BBX: variants seen among roughly 807,000 people sequenced by gnomAD.
BBX encodes BBX high mobility group box domain containing, also known as HMG box transcription factor BBX.
BBX carries 30 observed loss-of-function variants against 100.2 expected under a neutral mutation model. That is an observed-to-expected ratio of 0.30 (90% confidence interval 0.22 to 0.41). BBX has a LOEUF of 0.41. BBX is among the 10% of genes least tolerant of loss of function. BBX has a pLI of 1.00. For synonymous variants in BBX, 376 were observed against 388.1 expected (o/e 0.97, Z 0.37); for missense variants, 1,023 against 1,129.8 (o/e 0.91, Z 1.35).
chr3:107,538,817 C>T (rs1238211621), intron 2 of BBX, among the ~76,000 whole-genome samples: 1 of 151,830 alleles, frequency 6.6e-6, no homozygotes, highest in Non-Finnish European at 1.5e-5. Flanking sequence ...CAAGGTCTTA[C>T]TCTGTTGCCC....
intron 3 of BBX, among the ~76,000 whole-genome samples, chr3:107,697,675 G>A (rs546307476): frequency 6.6e-6 from 1 of 151,896 alleles, no homozygotes; most frequent in African/African-American, 2.4e-5. Flanking sequence ...GCCCCCAGAG[G>A]TGGAGCCTAC....
intron 2 of BBX, among the ~76,000 whole-genome samples, chr3:107,642,518 C>T (rs1463037603): frequency 2.0e-5 from 3 of 152,186 alleles, no homozygotes; most frequent in East Asian, 1.9e-4. Flanking sequence ...ACTCCTAGTT[C>T]GTGACCTATA....
intron 2 of BBX, among the ~76,000 whole-genome samples, chr3:107,642,538 G>A (rs138635720): frequency 7.2e-4 from 109 of 152,216 alleles, no homozygotes; most frequent in Non-Finnish European, 1.2e-3. Context: ...ACTTGCTTGG[G>A]GTCTCAGAAA....
chr3:107,609,864 A>G (rs537860634), intron 2 of BBX, among the ~76,000 whole-genome samples: 1 of 151,684 alleles, frequency 6.6e-6, no homozygotes, highest in South Asian at 2.1e-4. Flanking sequence ...CTTTATTTCA[A>G]TTTCATTTAT....
chr3:107,751,183 G>A (rs1480097408), intron 9 of BBX, among the ~76,000 whole-genome samples: 1 of 152,118 alleles, frequency 6.6e-6, no homozygotes, highest in Non-Finnish European at 1.5e-5. Flanking sequence ...AGGGATTGAT[G>A]TATAAAAGAA....
At chr3:107,710,275 T>C (rs1313378099) in intron 3 of BBX, among the ~76,000 whole-genome samples, 177 bp from the exon 4 acceptor site, 3 of 152,254 alleles carry the variant, frequency 2.0e-5, no homozygotes, top group Non-Finnish European at 4.4e-5. Flanking sequence ...GGATTCATTA[T>C]GTATTATGTA....
At chr3:107,631,083 T>C (rs986309499) in intron 2 of BBX, among the ~76,000 whole-genome samples, 1 of 152,190 alleles carries the variant, frequency 6.6e-6, no homozygotes, top group Non-Finnish European at 1.5e-5. Flanking sequence ...TAACACCCCA[T>C]GTCAAAGTGA....
Position 107,724,742 on chromosome 3 carries a change from G to C in BBX, c.406-4023G>C, listed in dbSNP as rs1033234522. 2.8e-4 allele frequency among the ~76,000 whole-genome samples: 43 copies of C among 152,006 alleles called. 1 individual carries two copies. Among genetic ancestry groups the C allele is most frequent in the Non-Finnish European group, 2.2e-4 (15 of 67,974 alleles). On this transcript the variant is annotated intron_variant, in intron 5 of 17. Coordinates refer to ENST00000325805, the MANE Select transcript of BBX (RefSeq NM_001142568.3). ...TAGATGTGTGGTATTATTTCTGAGG[G>C]CTCTGTTCTGTTCCATTGGTCTATA...
At chr3:107,568,613 T>C (rs1226000650) in intron 2 of BBX, among the ~76,000 whole-genome samples, 1 of 152,172 alleles carries the variant, frequency 6.6e-6, no homozygotes, top group Non-Finnish European at 1.5e-5. Flanking sequence ...TTCTCACCTC[T>C]TGGAATTGCC....
At position 107,809,213 on chromosome 3, in the gene BBX, G is replaced by A. The variant is rs1394987679; in HGVS notation, c.*3756G>A. On this transcript the variant is annotated 3_prime_UTR_variant, in exon 18 of 18. Coordinates refer to ENST00000325805, the MANE Select transcript of BBX (RefSeq NM_001142568.3). Reference sequence around the variant, plus strand: ...AATGCCATGTTTTGTTTATAAGGTGGGGAGGGGAGGGAAAATACCAAAAAA... The same window carrying A: ...AATGCCATGTTTTGTTTATAAGGTGAGGAGGGGAGGGAAAATACCAAAAAA... 1.3e-5 allele frequency: 2 copies of A among 152,212 alleles called. No homozygotes were observed. The highest frequency in any genetic ancestry group is 1.9e-4 in the East Asian group (1 of 5,202). 9.4% of individuals were successfully genotyped at this position (152,212 alleles called of 1,614,324 possible). A position where few individuals can be genotyped will look rare whatever the true frequency, so the allele number is the denominator to read the frequency against.
At chr3:107,743,918 G>GTTTTTTTTTTTTTTTTTTTTTTTTT (rs34762783) in intron 7 of BBX, among the ~76,000 whole-genome samples, 7 of 56,622 alleles carry the variant, frequency 1.2e-4, no homozygotes, top group Admixed American at 2.6e-4. Context: ...TGTTTTAGTG[G>GTTTTTTTTTTTTTTTTTTTTTTTTT]TTTTTTTTTT....
chr3:107,778,125 A>G (rs2067474541), intron 12 of BBX, among the ~76,000 whole-genome samples: 1 of 152,106 alleles, frequency 6.6e-6, no homozygotes, highest in Admixed American at 6.6e-5. Context: ...GAAATATTCT[A>G]ATATTATAAA....
intron 2 of BBX, among the ~76,000 whole-genome samples, chr3:107,625,168 T>C (rs1324716023): frequency 1.3e-5 from 2 of 152,234 alleles, no homozygotes; most frequent in Non-Finnish European, 2.9e-5. Context: ...CTGTATCTCT[T>C]ACCCTCTATT....
At chr3:107,762,118 C>T (rs926178502) in intron 10 of BBX, among the ~76,000 whole-genome samples, 2 of 152,088 alleles carry the variant, frequency 1.3e-5, no homozygotes, top group African/African-American at 2.4e-5. Flanking sequence ...ATCTTTTCAC[C>T]TCATCCCCAA....
intron 10 of BBX, among the ~76,000 whole-genome samples, chr3:107,756,575 A>G (rs1222140520): frequency 6.6e-6 from 1 of 152,178 alleles, no homozygotes; most frequent in East Asian, 1.9e-4. Context: ...GGTAATTTGT[A>G]TCATAAAACT....
chr3:107,598,022 T>C (rs1559856520), intron 2 of BBX, among the ~76,000 whole-genome samples: 2 of 152,134 alleles, frequency 1.3e-5, no homozygotes, highest in Non-Finnish European at 1.5e-5. Flanking sequence ...AGGTCAGTTT[T>C]AGGAGAGGGT....
At chr3:107,778,805 A>G (rs1326016349) in intron 13 of BBX, among the ~76,000 whole-genome samples, 1 of 151,522 alleles carries the variant, frequency 6.6e-6, no homozygotes, top group African/African-American at 2.4e-5. Context: ...CCAGAATTCT[A>G]ATTTGGAATG....
At chr3:107,672,755 T>C (rs1411379463) in intron 3 of BBX, among the ~76,000 whole-genome samples, 2 of 152,076 alleles carry the variant, frequency 1.3e-5, no homozygotes, top group Non-Finnish European at 2.9e-5. Context: ...CTGTGGGTGC[T>C]CACTACATTC....
At chr3:107,651,949 A>T (rs1457021338) in intron 3 of BBX, among the ~76,000 whole-genome samples, 1 of 152,180 alleles carries the variant, frequency 6.6e-6, no homozygotes, top group Non-Finnish European at 1.5e-5. Context: ...AAGAGGGCTG[A>T]GGAAGGGGCT....
Sources: allele counts gnomAD v4.1 joint callset (sites outside exome capture counted in the v4.1 genomes callset), GRCh38; gene constraint gnomAD v4.1.1; transcripts MANE v1.5; gene names NCBI Gene and HGNC (gene_info 2026-07-23, HGNC 2026-07-21).